FAM83F: variants seen among roughly 807,000 people sequenced by gnomAD.
FAM83F encodes scaffolding CK1 anchoring protein F.
Under a neutral mutation model 42.9 loss-of-function variants are expected in FAM83F, and 45 were observed. The ratio of observed to expected loss-of-function variants is 1.05; its 90% CI spans 0.83 to 1.35. FAM83F has a LOEUF of 1.35. Among genes scored for constraint, FAM83F ranks in the 40% most tolerant of loss-of-function variants. The pLI is 0.00. For synonymous variants in FAM83F, 306 were observed against 298.3 expected (o/e 1.03, Z -0.27); for missense variants, 617 against 695.9 (o/e 0.89, Z 1.28).
intron 1 of FAM83F, among the ~76,000 whole-genome samples, chr22:40,012,377 C>T (rs1274911201): frequency 6.6e-6 from 1 of 152,074 alleles, no homozygotes; most frequent in Admixed American, 6.5e-5. Context: ...TCAGGTGATC[C>T]ATCCGCCTTG....
chr22:40,014,982 T>C, intron 1 of FAM83F, among the ~76,000 whole-genome samples: 1 of 152,202 alleles, frequency 6.6e-6, no homozygotes, highest in African/African-American at 2.4e-5. Context: ...GGAAACAGCC[T>C]AGAGTGCACT....
chr22:39,995,273 C>T lies in FAM83F; in HGVS notation c.231C>T (p.Ala77=). 2.0e-6 allele frequency: 3 copies of T among 1,535,700 alleles called. No homozygotes were observed. The highest frequency in any genetic ancestry group is 2.6e-6 in the Non-Finnish European group (3 of 1,145,838). Residue 77 remains alanine (A), a synonymous_variant, in exon 1 of 5, where the codon GCC becomes GCT. Coordinates refer to ENST00000333407, the MANE Select transcript of FAM83F (RefSeq NM_138435.4). The surrounding 1 kb of genome is among the most constrained non-coding windows in gnomAD (Gnocchi z 4.6). ...LRAAWSPYED[A]VPAANARGKS... Reference sequence around the variant, plus strand: ...CCGCCTGGAGCCCCTACGAGGACGCCGTCCCCGCCGCCAACGCCCGGGGCA... The same window carrying T: ...CCGCCTGGAGCCCCTACGAGGACGCTGTCCCCGCCGCCAACGCCCGGGGCA...
chr22:39,995,130 C>A lies in FAM83F; in HGVS notation c.88C>A (p.Arg30=). The A allele has an allele frequency of 7.3e-7, 1 of 1,372,652 alleles. No individual in the cohort carries two copies. The highest frequency in any genetic ancestry group is 3.0e-5 in the East Asian group (1 of 33,676). The allele number at this position is 1,372,652 out of a possible 1,614,324, so 85.0% of individuals were successfully genotyped here. A position where few individuals can be genotyped will look rare whatever the true frequency, so the allele number is the denominator to read the frequency against. The part of the protein sequence containing the change: ...EAQAAFYYCE[R]RRAALEALLG... ...GCAGGCCGCCTTCTACTACTGCGAG[C>A]GGCGGCGGGCCGCGCTGGAGGCGCT... The change falls in exon 1 of 5, where the codon CGG becomes AGG. Residue 30 remains arginine (R), a synonymous_variant. Coordinates refer to ENST00000333407, the MANE Select transcript of FAM83F (RefSeq NM_138435.4). The surrounding 1 kb of genome is among the most constrained non-coding windows in gnomAD (Gnocchi z 4.6).
chr22:40,028,151 G>T lies in FAM83F; in HGVS notation c.1454-1365G>T, dbSNP rs755441675. Among the ~76,000 whole-genome samples the T allele has an allele frequency of 4.5e-4, 69 of 152,340 alleles. 1 individual carries two copies. The highest frequency in any genetic ancestry group is 6.3e-4 in the Non-Finnish European group (43 of 68,036). On this transcript the variant is annotated intron_variant, in intron 4 of 4. Coordinates refer to ENST00000333407, the MANE Select transcript of FAM83F (RefSeq NM_138435.4). ...GCCTTGGCCATGGAGCCCTTGGGGC[G>T]CAGCCTCCTGCCCAAAGGTGGGGGA...
chr22:40,016,895 C>G (rs1438847437), intron 1 of FAM83F, among the ~76,000 whole-genome samples: 1 of 152,060 alleles, frequency 6.6e-6, no homozygotes, highest in East Asian at 1.9e-4. Flanking sequence ...AACTCCTGGC[C>G]TCAAGTGATC....
chr22:39,997,498 A>G (rs1320067008), intron 1 of FAM83F, among the ~76,000 whole-genome samples: 1 of 152,242 alleles, frequency 6.6e-6, no homozygotes, highest in Non-Finnish European at 1.5e-5. Context: ...CTAGCCATGA[A>G]GAAGATACAC....
rs1386100429 is a variant in FAM83F at position 40,015,381 on chromosome 22, A to C, written c.490-3787A>C. 2.6e-5 allele frequency among the ~76,000 whole-genome samples: 4 copies of C among 152,298 alleles called. No individual in the cohort carries two copies. In the East Asian group the frequency reaches 7.7e-4, roughly 29 times the overall value. On this transcript the variant is annotated intron_variant, in intron 1 of 4. Coordinates refer to ENST00000333407, the MANE Select transcript of FAM83F (RefSeq NM_138435.4). ...TGATTTAAATGTTAACCTCATCCAAAAAACCACTCTCATAGAAACATCCAG... is the reference window on the plus strand; with the variant it reads ...TGATTTAAATGTTAACCTCATCCAACAAACCACTCTCATAGAAACATCCAG...
chr22:40,028,875 C>T (rs2067570335), intron 4 of FAM83F, among the ~76,000 whole-genome samples: 1 of 152,238 alleles, frequency 6.6e-6, no homozygotes, highest in African/African-American at 2.4e-5. Flanking sequence ...TTCTTCCAGC[C>T]TAGGCGGCCT....
At chr22:40,028,790 G>A (rs1393533531) in intron 4 of FAM83F, among the ~76,000 whole-genome samples, 1 of 152,194 alleles carries the variant, frequency 6.6e-6, no homozygotes, top group Non-Finnish European at 1.5e-5. Context: ...TCAAAGGCGC[G>A]TCCTAAGCAG....
At chr22:39,997,806 A>T (rs1170302714) in intron 1 of FAM83F, 1 of 152,280 alleles carries the variant, frequency 6.6e-6, no homozygotes, top group Non-Finnish European at 1.5e-5. Context: ...ACCACCCCCA[A>T]GGAAGCAACA....
intron 4 of FAM83F, 31 bp from the exon 5 acceptor site, chr22:40,029,485 C>G (rs771379056): frequency 1.3e-5 from 21 of 1,598,314 alleles, no homozygotes; most frequent in Non-Finnish European, 8.5e-7. Context: ...TCACTTACAT[C>G]CTTCCCCGCC....
At chr22:39,997,519 T>C (rs1433990607) in intron 1 of FAM83F, among the ~76,000 whole-genome samples, 3 of 152,242 alleles carry the variant, frequency 2.0e-5, no homozygotes, top group African/African-American at 7.2e-5. Context: ...GGTGTGGCTT[T>C]GCCCTCCAAG....
At chr22:40,012,230 A>G (rs1165872978) in intron 1 of FAM83F, among the ~76,000 whole-genome samples, 1 of 151,548 alleles carries the variant, frequency 6.6e-6, no homozygotes, top group Non-Finnish European at 1.5e-5. Flanking sequence ...CACCTCCCAG[A>G]TTCTAGCAGT....
Position 39,995,285 on chromosome 22 carries a change from C to T in FAM83F, c.243C>T (p.Ala81=), listed in dbSNP as rs1165902850. 1.4e-5 allele frequency: 21 copies of T among 1,536,492 alleles called. No homozygotes were observed. Among genetic ancestry groups the T allele is most frequent in the Non-Finnish European group, 1.8e-5 (21 of 1,145,814 alleles). ...CCTACGAGGACGCCGTCCCCGCCGC[C>T]AACGCCCGGGGCAAGAGCAAGGCCA... is the stretch of plus-strand genomic sequence containing the variant. ...WSPYEDAVPA[A]NARGKSKAKA... Residue 81 remains alanine, a synonymous_variant, in exon 1 of 5, where the codon GCC becomes GCT. Coordinates refer to ENST00000333407, the MANE Select transcript of FAM83F (RefSeq NM_138435.4). The surrounding 1 kb of genome is among the most constrained non-coding windows in gnomAD (Gnocchi z 4.6).
chr22:40,002,404 C>T (rs369178907), intron 1 of FAM83F, among the ~76,000 whole-genome samples: 68 of 152,136 alleles, frequency 4.5e-4, no homozygotes, highest in African/African-American at 1.3e-3. Context: ...CTCTGAAATC[C>T]GATACTTTGG....
At chr22:39,996,635 TC>T (rs1325871569) in intron 1 of FAM83F, among the ~76,000 whole-genome samples, 1 of 152,108 alleles carries the variant, frequency 6.6e-6, no homozygotes, top group Non-Finnish European at 1.5e-5. Context: ...GAGTCCTGGT[TC>T]CCCTCGAGGC....
chr22:40,019,369 G>A, intron 2 of FAM83F, 34 bp downstream of exon 2: 7 of 1,602,904 alleles, frequency 4.4e-6, no homozygotes, highest in Non-Finnish European at 6.0e-6. Flanking sequence ...AAGTGGACAG[G>A]AGATGAGACA....
intron 4 of FAM83F, among the ~76,000 whole-genome samples, chr22:40,022,767 C>G (rs2067529805): frequency 6.6e-6 from 1 of 152,156 alleles, no homozygotes; most frequent in African/African-American, 2.4e-5. Flanking sequence ...GGGGTTTCTC[C>G]CTCCATCGCT....
At position 39,995,407 on chromosome 22, in the gene FAM83F, G is replaced by A; in HGVS notation, c.365G>A (p.Gly122Asp). 4 of 1,549,596 alleles carry A rather than the reference G, an allele frequency of 2.6e-6. No homozygotes were observed. Among genetic ancestry groups the A allele is most frequent in the Non-Finnish European group, 3.5e-6 (4 of 1,146,940 alleles). The change falls in exon 1 of 5, where the codon GGC becomes GAC. Residue 122 changes from glycine (G) to aspartate (D), a missense_variant. By Grantham distance (94) the Gly-to-Asp change is moderately conservative (BLOSUM62 -1). Transcript: ENST00000333407. This position sits in a 1 kb window ranked among gnomAD's most constrained non-coding sequence, Gnocchi z 4.6. The stretch of plus-strand genomic sequence containing the variant: ...ACCGAGGTGCCTCCTCTGGACCTGG[G>A]CTGGACGGACACTGGTTTCTACCGC... ...SDTEVPPLDL[G>D]WTDTGFYRGV...
Sources: allele counts gnomAD v4.1 joint callset (sites outside exome capture counted in the v4.1 genomes callset), GRCh38; gene constraint gnomAD v4.1.1; non-coding constraint Gnocchi (gnomAD v3.1); transcripts MANE v1.5; gene names NCBI Gene and HGNC (gene_info 2026-07-23, HGNC 2026-07-21).